The following ZNF83 variants were observed in gnomAD, a reference collection of about 807,000 sequenced individuals.
ZNF83 encodes zinc finger protein 816B.
For missense variants in ZNF83, 552 were observed against 629.9 expected, an observed-to-expected ratio of 0.88 and a Z score of 1.32; for synonymous variants, 209 against 213.0, an observed-to-expected ratio of 0.98 and a Z score of 0.17.
At chr19:52,686,584 G>C (rs2003963) in intron 1 of ZNF83, among the ~76,000 whole-genome samples, 97,485 of 151,114 alleles carry the variant, frequency 0.65, 31,674 homozygotes, top group African/African-American at 0.73. Flanking sequence ...TTGTTTGTTT[G>C]TTTTTCTGAG....
intron 1 of ZNF83, among the ~76,000 whole-genome samples, chr19:52,672,505 T>C (rs897850313): frequency 1.3e-5 from 2 of 152,218 alleles, no homozygotes; most frequent in Non-Finnish European, 2.9e-5. Flanking sequence ...CCGAGCATGA[T>C]GGGAGGCTGA....
At chr19:52,686,277 A>T (rs572638632) in intron 1 of ZNF83, among the ~76,000 whole-genome samples, 27 of 151,662 alleles carry the variant, frequency 1.8e-4, no homozygotes, top group East Asian at 5.8e-4. Flanking sequence ...AAATTGTTTT[A>T]AAAAAAAATC....
chr19:52,687,453 A>ATAT lies in ZNF83; in HGVS notation c.-283+2989_-283+2990insATA, dbSNP rs375131335. Among the ~76,000 whole-genome samples the ATAT allele has an allele frequency of 1.7e-4, 3 of 17,592 alleles. No homozygotes were observed. In the East Asian group the frequency reaches 3.2e-3, roughly 19 times the overall value. The allele number at this position is 17,592 out of a possible 152,430, so 11.5% of individuals were successfully genotyped here. A position where few individuals can be genotyped will look rare whatever the true frequency, so the allele number is the denominator to read the frequency against. On this transcript the variant is annotated intron_variant, in intron 1 of 5. Transcript: ENST00000594682. ...TAATTTATATAGCTATATAAATTAT[A>ATAT]ATATAAATTATAATTTATATATCTA...
chr19:52,680,761 C>T (rs371412501), intron 1 of ZNF83, among the ~76,000 whole-genome samples: 13 of 143,940 alleles, frequency 9.0e-5, no homozygotes, highest in Non-Finnish European at 1.8e-4. Context: ...TACAGGCGCC[C>T]GCCACTACGC....
chr19:52,662,715 T>A (rs2061596203), intron 1 of ZNF83, among the ~76,000 whole-genome samples: 1 of 152,142 alleles, frequency 6.6e-6, no homozygotes, highest in Non-Finnish European at 1.5e-5. Flanking sequence ...ATTCCTCACC[T>A]GTATATTACA....
chr19:52,671,949 T>C (rs1162164829), intron 1 of ZNF83, among the ~76,000 whole-genome samples: 1 of 152,126 alleles, frequency 6.6e-6, no homozygotes, highest in Admixed American at 6.6e-5. Flanking sequence ...AGTTATAAAA[T>C]TGGCTGGGCA....
chr19:52,677,130 A>G (rs1044186822), intron 1 of ZNF83, among the ~76,000 whole-genome samples: 1 of 44,640 alleles, frequency 2.2e-5, no homozygotes, highest in African/African-American at 2.9e-4. Context: ...CAATTAAAAA[A>G]AAAAAGAAAA....
At chr19:52,615,983 C>T (rs749929067) in intron 2 of ZNF83, among the ~76,000 whole-genome samples, 6 of 152,154 alleles carry the variant, frequency 3.9e-5, no homozygotes, top group East Asian at 1.9e-4. Context: ...GGATTACAGG[C>T]GACTGCCACC....
At chr19:52,614,302 A>C (rs1274894796) in exon 3 of ZNF83, 1 of 1,613,872 alleles carries the variant, frequency 6.2e-7, no homozygotes, top group Admixed American at 1.7e-5. Context: ...TTCTGTCCCA[A>C]TATTTGCTTT....
chr19:52,650,634 A>C (rs144863898), intron 3 of ZNF83: 1 of 152,182 alleles, frequency 6.6e-6, no homozygotes, highest in Admixed American at 6.5e-5. Flanking sequence ...TAAATTGTTT[A>C]TTAGAAGAAC....
At chr19:52,672,941 T>G (rs2061746107) in intron 1 of ZNF83, among the ~76,000 whole-genome samples, 1 of 152,144 alleles carries the variant, frequency 6.6e-6, no homozygotes, top group South Asian at 2.1e-4. Context: ...AAAAATAGAA[T>G]AAGACCTATT....
At chr19:52,687,374 T>C (rs1228204781) in intron 1 of ZNF83, among the ~76,000 whole-genome samples, 2 of 19,084 alleles carry the variant, frequency 1.0e-4, no homozygotes, top group Admixed American at 7.4e-4. Flanking sequence ...ATAATATAAA[T>C]TATAATTTAT....
chr19:52,614,512 C>T, exon 3 of ZNF83: 1 of 1,603,752 alleles, frequency 6.2e-7, no homozygotes, highest in Non-Finnish European at 8.5e-7. Context: ...CGGGTTTAAT[C>T]CAAGCTGATT....
intron 1 of ZNF83, among the ~76,000 whole-genome samples, chr19:52,683,612 GT>G (rs1246314605): frequency 1.2e-4 from 19 of 152,048 alleles, no homozygotes; most frequent in African/African-American, 4.3e-4. Context: ...GAGTGAGGCA[GT>G]TCACACAGAT....
At chr19:52,670,986 C>T (rs901727522) in intron 1 of ZNF83, among the ~76,000 whole-genome samples, 3 of 152,188 alleles carry the variant, frequency 2.0e-5, no homozygotes, top group African/African-American at 4.8e-5. Flanking sequence ...GTTTTTTATT[C>T]AGACCTTTAA....
At chr19:52,643,352 C>T (rs2061332060), upstream of ZNF83, among the ~76,000 whole-genome samples, 1 of 94,916 alleles carries the variant, frequency 1.1e-5, no homozygotes, top group Non-Finnish European at 2.1e-5. Context: ...CAGACTCTGT[C>T]TCAAATAGAA....
chr19:52,623,565 CA>C (rs1365075328), intron 2 of ZNF83, among the ~76,000 whole-genome samples: 1 of 152,140 alleles, frequency 6.6e-6, no homozygotes, highest in Non-Finnish European at 1.5e-5. Flanking sequence ...ACTACAGCCA[CA>C]TCTCATTGCC....
upstream of ZNF83, among the ~76,000 whole-genome samples, chr19:52,638,925 G>T (rs1229895418): frequency 6.6e-6 from 1 of 151,982 alleles, no homozygotes; most frequent in South Asian, 2.1e-4. Context: ...GGGAGTTCAG[G>T]CCAGCCTGGG....
At chr19:52,690,233 G>A (rs1316044700) in intron 1 of ZNF83, among the ~76,000 whole-genome samples, 2 of 151,458 alleles carry the variant, frequency 1.3e-5, no homozygotes, top group Non-Finnish European at 2.9e-5. Context: ...TGTATACATT[G>A]CCCTAGAGCA....
Sources: gnomAD v4.1 joint callset for allele counts (sites outside exome capture counted in the v4.1 genomes callset) on GRCh38, gnomAD v4.1.1 for gene constraint, MANE v1.5 for transcripts, NCBI Gene and HGNC (gene_info 2026-07-23, HGNC 2026-07-21) for gene names.